HLA-B: variants seen among roughly 807,000 people sequenced by gnomAD.
HLA-B encodes the protein HLA class I antigen HLA-B.
A neutral mutation model predicts 41.5 loss-of-function variants in HLA-B; 31 were observed. The ratio of observed to expected loss-of-function variants is 0.75; its 90% CI spans 0.56 to 1.01. HLA-B has a LOEUF of 1.01. HLA-B is among the 50% of genes least tolerant of loss of function. HLA-B has a pLI of 0.00. For missense variants in HLA-B, 369 were observed against 457.2 expected, an observed-to-expected ratio of 0.81 and a Z score of 1.76; for synonymous variants, 138 against 189.0, an observed-to-expected ratio of 0.73 and a Z score of 2.21.
In HLA-B at chr6:31,355,307, C is replaced by G. The variant is rs1446330546; in HGVS notation, c.895+10G>C. On this transcript the variant is annotated intron_variant, in intron 4 of 7. Transcript: ENST00000412585. Reference sequence around the variant, plus strand: ...TGAGAAGAGATATGACCCCTCATCCCCCTCCTTACCCCATCTCAGGGTGAG... The same window carrying G: ...TGAGAAGAGATATGACCCCTCATCCGCCTCCTTACCCCATCTCAGGGTGAG... The G allele has an allele frequency of 1.9e-6, 3 of 1,549,236 alleles. No individual in the cohort carries two copies. Among genetic ancestry groups the G allele is most frequent in the Non-Finnish European group, 1.7e-6 (2 of 1,151,288 alleles).
At position 31,354,432 on chromosome 6, in the gene HLA-B, A is replaced by G. The variant is rs9266106; in HGVS notation, c.*4+47T>C. ...CAGGCCTTTCCCCTCTGCCCCACCC[A>G]CCCCCAGACCCGCCACCCCACCCAC... On this transcript the variant is annotated intron_variant, in intron 7 of 7. Coordinates refer to ENST00000412585, the MANE Select transcript of HLA-B (RefSeq NM_005514.8). The G allele has an allele frequency of 0.011, 2,315 of 215,452 alleles. 28 individuals are homozygous for G. Among genetic ancestry groups the G allele is most frequent in the Middle Eastern group, 0.016 (12 of 746 alleles). The allele number at this position is 215,452 out of a possible 1,614,324, so 13.3% of individuals were successfully genotyped here. A position where few individuals can be genotyped will look rare whatever the true frequency, so the allele number is the denominator to read the frequency against.
Position 31,357,076 on chromosome 6 carries a change from C to T in HLA-B, c.73+10G>A. ...CGGCAGAGGCCATTTCCCTCCCGACCCGCACTCACCGGCCCAGGTCTCGGT... is the reference window on the plus strand; with the variant it reads ...CGGCAGAGGCCATTTCCCTCCCGACTCGCACTCACCGGCCCAGGTCTCGGT... On this transcript the variant is annotated intron_variant, in intron 1 of 7. Transcript: ENST00000412585. 1.1e-6 allele frequency: 1 copy of T among 911,832 alleles called. No homozygotes were observed. Among genetic ancestry groups the T allele is most frequent in the Non-Finnish European group, 1.4e-6 (1 of 700,266 alleles). The allele number at this position is 911,832 out of a possible 1,614,324, so 56.5% of individuals were successfully genotyped here.
intron 6 of HLA-B, 39 bp from the exon 7 acceptor site, chr6:31,354,565 A>C: frequency 6.9e-7 from 1 of 1,459,458 alleles, no homozygotes; most frequent in Non-Finnish European, 9.1e-7. Context: ...CAGAGCCCGC[A>C]GGAGACGTGG....
Position 31,356,817 on chromosome 6 carries a change from GC to G in HLA-B, c.213del (p.Arg72GlyfsTer5). 3 of 1,174,066 alleles carry G rather than the reference GC, an allele frequency of 2.6e-6. No individual in the cohort carries two copies. The highest frequency in any genetic ancestry group is 2.3e-6 in the Non-Finnish European group (2 of 883,546). The allele number at this position is 1,174,066 out of a possible 1,614,324, so 72.7% of individuals were successfully genotyped here. A position where few individuals can be genotyped will look rare whatever the true frequency, so the allele number is the denominator to read the frequency against. On this transcript the variant is annotated frameshift_variant, in exon 2 of 8. Coordinates refer to ENST00000412585, the MANE Select transcript of HLA-B (RefSeq NM_005514.8). LOFTEE classifies it high-confidence loss of function. ...CCCTCCTGCTCTATCCACGGCGCCC[GC>G]GGCTCCTCTCTCGGACTCGCGGCGT... Reference protein sequence around the residue: ...DSDAASPREEPRAPWIEQEGP... With the variant: ...DSDAASPREEXRAPWIEQEGP...
At chr6:31,354,440 A>AACCCCCCCCCCCCC in intron 7 of HLA-B, 39 bp downstream of exon 7, 2 of 308,256 alleles carry the variant, frequency 6.5e-6, no homozygotes, top group Admixed American at 6.3e-5. Context: ...CCACCCCCAG[A>AACCCCCCCCCCCCC]CCCGCCACCC....
Position 31,354,511 on chromosome 6 carries a change from T to A in HLA-B, c.1061A>T (p.Gln354Leu). The stretch of plus-strand genomic sequence containing the variant: ...AGCTGTGAGAGACACATCAGAGCCC[T>A]GGGCACTGTCGCTGCCTGGAGTAGA... ...YSQAACSDSA[Q>L]GSDVSLTA Residue 354 changes from glutamine to leucine, a missense_variant, in exon 7 of 8, where the codon CAG becomes CTG. Coordinates refer to ENST00000412585, the MANE Select transcript of HLA-B (RefSeq NM_005514.8). 1 of 1,280,934 alleles carries A rather than the reference T, an allele frequency of 7.8e-7. No homozygotes were observed. Among genetic ancestry groups the A allele is most frequent in the Non-Finnish European group, 1.0e-6 (1 of 983,632 alleles). 79.3% of individuals were successfully genotyped at this position (1,280,934 alleles called of 1,614,324 possible).
In HLA-B at chr6:31,356,720, TTCC is replaced by T. The variant is rs775106523; in HGVS notation, c.308_310del (p.Arg103_Asn104delinsHis). ...GCTCTGGTTGTAGTAGCCGCGCAGG[TTCC>T]GCAGGCTCTCTCGGTCAGTCTGTGC... On this transcript the variant is annotated inframe_deletion, in exon 2 of 8. Transcript: ENST00000412585. The T allele has an allele frequency of 1.1e-6, 1 of 927,924 alleles. No homozygotes were observed. The highest frequency in any genetic ancestry group is 1.4e-6 in the Non-Finnish European group (1 of 724,128). 57.5% of individuals were successfully genotyped at this position (927,924 alleles called of 1,614,324 possible). A position where few individuals can be genotyped will look rare whatever the true frequency, so the allele number is the denominator to read the frequency against.
chr6:31,356,433 G>A lies in HLA-B; in HGVS notation c.353C>T (p.Thr118Ile), dbSNP rs12721827. 0.044 allele frequency: 36,623 copies of A among 831,296 alleles called. 3,312 individuals carry two copies. Among genetic ancestry groups the A allele is most frequent in the South Asian group, 0.18 (7,805 of 42,440 alleles). The allele number at this position is 831,296 out of a possible 1,614,324, so 51.5% of individuals were successfully genotyped here. ...YYNQSEAGSH[T>I]LQSMYGCDVG... ...GTCGCAGCCGTACATGCTCTGGAGG[G>A]TGTGAGACCCTGGCCCCGGCCCCGC... The change falls in exon 3 of 8, where the codon ACC becomes ATC. Residue 118 changes from threonine to isoleucine, a missense_variant. Transcript: ENST00000412585.
chr6:31,354,133 G>A lies in HLA-B; in HGVS notation c.*168C>T, dbSNP rs1298644089. ...CAGCATGGGAACAGGGGTCACAGTG[G>A]ACACAAGGGTGGGCTGTCTCTCCAC... On this transcript the variant is annotated 3_prime_UTR_variant, in exon 8 of 8. Transcript: ENST00000412585. 4 of 492,456 alleles carry A rather than the reference G, an allele frequency of 8.1e-6. No homozygotes were observed. Among genetic ancestry groups the A allele is most frequent in the African/African-American group, 5.8e-5 (3 of 51,794 alleles). The allele number at this position is 492,456 out of a possible 1,614,324, so 30.5% of individuals were successfully genotyped here.
chr6:31,357,078 G>T lies in HLA-B; in HGVS notation c.73+8C>A. The T allele has an allele frequency of 4.4e-6, 4 of 904,702 alleles. 1 individual carries two copies. The highest frequency in any genetic ancestry group is 5.7e-6 in the Non-Finnish European group (4 of 695,710). 56.0% of individuals were successfully genotyped at this position (904,702 alleles called of 1,614,324 possible). A position where few individuals can be genotyped will look rare whatever the true frequency, so the allele number is the denominator to read the frequency against. On this transcript the variant is annotated splice_region_variant and intron_variant, in intron 1 of 7. Transcript: ENST00000412585. ...GCAGAGGCCATTTCCCTCCCGACCC[G>T]CACTCACCGGCCCAGGTCTCGGTCA...
intron 5 of HLA-B, 113 bp from the exon 6 acceptor site, chr6:31,354,778 C>A (rs535883591): frequency 5.4e-6 from 3 of 556,328 alleles, no homozygotes; most frequent in African/African-American, 3.6e-5. Context: ...TGACTACAGA[C>A]CCAGGGCAGG....
At position 31,355,312 on chromosome 6, in the gene HLA-B, C is replaced by T; in HGVS notation, c.895+5G>A. ...AGAGATATGACCCCTCATCCCCCTC[C>T]TTACCCCATCTCAGGGTGAGGGGCT... On this transcript the variant is annotated splice_donor_5th_base_variant and intron_variant, in intron 4 of 7. Coordinates refer to ENST00000412585, the MANE Select transcript of HLA-B (RefSeq NM_005514.8). 1 of 1,563,780 alleles carries T rather than the reference C, an allele frequency of 6.4e-7. No homozygotes were observed. The highest frequency in any genetic ancestry group is 2.3e-5 in the East Asian group (1 of 42,762).
chr6:31,354,479 C>T lies in HLA-B; in HGVS notation c.*4G>A, dbSNP rs1337747386. On this transcript the variant is annotated splice_region_variant and 3_prime_UTR_variant, in exon 7 of 8. Coordinates refer to ENST00000412585, the MANE Select transcript of HLA-B (RefSeq NM_005514.8). ...CCACTCTAGACCCCAAGAATCTCAC[C>T]TTTTCAAGCTGTGAGAGACACATCA... 1 of 1,240,288 alleles carries T rather than the reference C, an allele frequency of 8.1e-7. No individual in the cohort carries two copies. The highest frequency in any genetic ancestry group is 1.1e-6 in the Non-Finnish European group (1 of 938,976). The allele number at this position is 1,240,288 out of a possible 1,614,324, so 76.8% of individuals were successfully genotyped here. A position where few individuals can be genotyped will look rare whatever the true frequency, so the allele number is the denominator to read the frequency against.
In HLA-B at chr6:31,354,306, A is replaced by G. The variant is rs1766681537; in HGVS notation, c.*5-10T>C. On this transcript the variant is annotated splice_polypyrimidine_tract_variant and intron_variant, in intron 7 of 7. Coordinates refer to ENST00000412585, the MANE Select transcript of HLA-B (RefSeq NM_005514.8). ...AGACAGCTGTCTCAGGCTACAGAAA[A>G]CAACAGTCATGAACAAATTCTGGTT... 3.3e-6 allele frequency: 2 copies of G among 608,438 alleles called. No individual in the cohort carries two copies. The highest frequency in any genetic ancestry group is 3.1e-6 in the Non-Finnish European group (1 of 325,110). The allele number at this position is 608,438 out of a possible 1,614,324, so 37.7% of individuals were successfully genotyped here. A position where few individuals can be genotyped will look rare whatever the true frequency, so the allele number is the denominator to read the frequency against.
Position 31,354,498 on chromosome 6 carries a change from C to T in HLA-B, c.1074G>A (p.Val358=). The change falls in exon 7 of 8, where the codon GTG becomes GTA. Residue 358 remains valine (V), a synonymous_variant. Coordinates refer to ENST00000412585, the MANE Select transcript of HLA-B (RefSeq NM_005514.8). ...TCTCACCTTTTCAAGCTGTGAGAGA[C>T]ACATCAGAGCCCTGGGCACTGTCGC... ...ACSDSAQGSD[V]SLTA is the part of the protein sequence containing the mutation. 9 of 1,302,526 alleles carry T rather than the reference C, an allele frequency of 6.9e-6. 3 individuals carry two copies. The highest frequency in any genetic ancestry group is 9.0e-6 in the Non-Finnish European group (9 of 995,614). The allele number at this position is 1,302,526 out of a possible 1,614,324, so 80.7% of individuals were successfully genotyped here.
chr6:31,356,903 TC>T lies in HLA-B; in HGVS notation c.127del (p.Glu43SerfsTer16). On this transcript the variant is annotated frameshift_variant, in exon 2 of 8. Coordinates refer to ENST00000412585, the MANE Select transcript of HLA-B (RefSeq NM_005514.8). LOFTEE classifies it high-confidence loss of function. ...GTAGCCCACTGAGATGAAGCGGGGC[TC>T]CCCGCGGCCGGGCCGGGACACGGAG... ...YTSVSRPGRG[E>X]PRFISVGYVD... 1 of 1,098,350 alleles carries T rather than the reference TC, an allele frequency of 9.1e-7. No homozygotes were observed. Among genetic ancestry groups the T allele is most frequent in the Non-Finnish European group, 1.2e-6 (1 of 826,294 alleles). 68.0% of individuals were successfully genotyped at this position (1,098,350 alleles called of 1,614,324 possible).
Position 31,355,027 on chromosome 6 carries a change from G to T in HLA-B, c.1012+80C>A, listed in dbSNP as rs889224317. The T allele has an allele frequency of 2.1e-5, 10 of 476,812 alleles. 4 individuals carry two copies. In the African/African-American group the frequency reaches 3.7e-4, roughly 18 times the overall value. 29.5% of individuals were successfully genotyped at this position (476,812 alleles called of 1,614,324 possible). On this transcript the variant is annotated intron_variant, in intron 5 of 7. Coordinates refer to ENST00000412585, the MANE Select transcript of HLA-B (RefSeq NM_005514.8). ...GTGCATGCTGCTTCCCAGTAATGAG[G>T]CAGGGAACACTTCTACCTGGGGCTT...
intron 2 of HLA-B, 41 bp downstream of exon 2, chr6:31,356,647 A>AT (rs1385605233): frequency 2.1e-6 from 3 of 1,408,460 alleles, no homozygotes; most frequent in Non-Finnish European, 2.9e-6. Context: ...TACGTGGGGG[A>AT]TGGGGAGTCG....
Position 31,354,515 on chromosome 6 carries a change from C to G in HLA-B, c.1057G>C (p.Ala353Pro), listed in dbSNP as rs780133582. The change falls in exon 7 of 8, where the codon GCC becomes CCC. Residue 353 changes from alanine (A) to proline (P), a missense_variant. By Grantham distance (27) the Ala-to-Pro change is conservative. Transcript: ENST00000412585. ...SYSQAACSDS[A>P]QGSDVSLTA is the part of the protein sequence containing the mutation. ...GTGAGAGACACATCAGAGCCCTGGG[C>G]ACTGTCGCTGCCTGGAGTAGAACAA... The G allele has an allele frequency of 1.5e-6, 2 of 1,296,726 alleles. 1 individual carries two copies. Among genetic ancestry groups the G allele is most frequent in the Non-Finnish European group, 2.0e-6 (2 of 993,000 alleles). 80.3% of individuals were successfully genotyped at this position (1,296,726 alleles called of 1,614,324 possible).
Sources: gnomAD v4.1 joint callset for allele counts on GRCh38, gnomAD v4.1.1 for gene constraint, MANE v1.5 for transcripts, NCBI Gene and HGNC (gene_info 2026-07-23, HGNC 2026-07-21) for gene names.